NAV1: variants seen among roughly 807,000 people sequenced by gnomAD.
The protein encoded by NAV1 is neuron navigator 1.
Under a neutral mutation model 175.2 loss-of-function variants are expected in NAV1, and 18 were observed. The ratio of observed to expected loss-of-function variants is 0.10; its 90% CI spans 0.07 to 0.15. The LOEUF is 0.15. NAV1 is among the 10% of genes least tolerant of loss of function. The pLI is 1.00. For missense variants in NAV1, 1,731 were observed against 2,436.6 expected (o/e 0.71, Z 6.10); for synonymous variants, 897 against 978.7 (o/e 0.92, Z 1.56).
At chr1:201,579,141 A>T (rs892719653) in intron 1 of NAV1, among the ~76,000 whole-genome samples, 4 of 152,220 alleles carry the variant, frequency 2.6e-5, no homozygotes, top group South Asian at 4.2e-4. Context: ...CTCAAAAAAA[A>T]AAAAATGTTC....
rs56994916 is a variant in NAV1, at chr1:201,799,176, C to CTGTGTGTGTG, written c.3518-4406_3518-4397dup. Among the ~76,000 whole-genome samples, 359 of 150,690 alleles carry CTGTGTGTGTG rather than the reference C, an allele frequency of 2.4e-3. 1 individual carries two copies. Among genetic ancestry groups the CTGTGTGTGTG allele is most frequent in the Middle Eastern group, 0.01 (3 of 290 alleles). ...ACTTATTTTCAAATTGTTCAAGAAA[C>CTGTGTGTGTG]TGTGTGTGTGTGTGTGTGTGGAGAG... is the stretch of plus-strand genomic sequence containing the variant. On this transcript the variant is annotated intron_variant, in intron 15 of 29. Transcript: ENST00000367296.
chr1:201,819,365 T>C (rs182548790), intron 29 of NAV1, among the ~76,000 whole-genome samples: 3 of 152,298 alleles, frequency 2.0e-5, no homozygotes, highest in East Asian at 3.9e-4. Flanking sequence ...ACAGTTATCA[T>C]TGAAGAAATC....
At chr1:201,761,104 G>A (rs1323094937) in intron 3 of NAV1, among the ~76,000 whole-genome samples, 1 of 152,124 alleles carries the variant, frequency 6.6e-6, no homozygotes, top group Non-Finnish European at 1.5e-5. Flanking sequence ...AGATTTTGTT[G>A]ACTGAATAAG....
intron 2 of NAV1, among the ~76,000 whole-genome samples, chr1:201,608,692 G>A (rs139257201): frequency 1.3e-5 from 2 of 149,326 alleles, no homozygotes; most frequent in South Asian, 2.2e-4. Flanking sequence ...GAGCCTCACA[G>A]CTCATGGGAC....
intron 1 of NAV1, among the ~76,000 whole-genome samples, chr1:201,572,373 T>C (rs1166442064): frequency 6.7e-6 from 1 of 148,540 alleles, no homozygotes; most frequent in African/African-American, 2.5e-5. Flanking sequence ...TTTCTTTCTT[T>C]TTTTTTTTTT....
chr1:201,803,801 T>TCG, intron 16 of NAV1, 87 bp downstream of exon 20: 2 of 1,519,510 alleles, frequency 1.3e-6, no homozygotes, highest in Non-Finnish European at 1.8e-6. Context: ...CTTCCAGGAT[T>TCG]AACCAAGGTG....
intron 2 of NAV1, among the ~76,000 whole-genome samples, chr1:201,595,508 C>T (rs7539891): frequency 0.028 from 4,292 of 152,322 alleles, 193 homozygotes; most frequent in African/African-American, 0.097. Flanking sequence ...TGCCAAGGGG[C>T]GCCGAGTCTG....
chr1:201,588,876 C>A (rs1273857260), intron 2 of NAV1, among the ~76,000 whole-genome samples: 1 of 151,530 alleles, frequency 6.6e-6, no homozygotes, highest in African/African-American at 2.4e-5. Context: ...GAAATGGAGT[C>A]TCGCTCTATC....
chr1:201,607,673 G>C (rs566832511), intron 2 of NAV1, among the ~76,000 whole-genome samples: 15 of 142,316 alleles, frequency 1.1e-4, no homozygotes, highest in Admixed American at 9.2e-4. Context: ...TGTATTTTTA[G>C]TAGAGACAGG....
At position 201,788,191 on chromosome 1, in the gene NAV1, C is replaced by T. The variant is rs549406449; in HGVS notation, c.2996-277C>T. ...CCCCCAGCCTAACCTTCAAAAGCAA[C>T]AACTCTGAGGCAGGCAGGGTTGAGG... On this transcript the variant is annotated intron_variant, in intron 9 of 29. Coordinates refer to ENST00000367296, the Ensembl canonical transcript of NAV1. The surrounding 1 kb of genome is among the most constrained non-coding windows in gnomAD (Gnocchi z 5.7). Among the ~76,000 whole-genome samples the T allele has an allele frequency of 6.6e-6, 1 of 152,282 alleles. No homozygotes were observed. Among genetic ancestry groups the T allele is most frequent in the East Asian group, 1.9e-4 (1 of 5,182 alleles).
chr1:201,765,748 G>A (rs1343364112), intron 3 of NAV1, among the ~76,000 whole-genome samples: 1 of 152,154 alleles, frequency 6.6e-6, no homozygotes, highest in African/African-American at 2.4e-5. Context: ...TCCCAGTTGG[G>A]TTTGAGTAAG....
chr1:201,734,367 C>T (rs988897914), intron 3 of NAV1, among the ~76,000 whole-genome samples: 2 of 151,058 alleles, frequency 1.3e-5, no homozygotes, highest in African/African-American at 2.4e-5. Context: ...CGTGTCCATG[C>T]CACTGCACTC....
chr1:201,695,448 C>G (rs1671150333), intron 1 of NAV1, among the ~76,000 whole-genome samples: 1 of 152,192 alleles, frequency 6.6e-6, no homozygotes, highest in African/African-American at 2.4e-5. Flanking sequence ...AGAACTCCAA[C>G]ACATTTGACC....
rs1672374443 is a variant in NAV1, at chr1:201,721,270, T to C, written c.1226+2515T>C. 3.9e-5 allele frequency among the ~76,000 whole-genome samples: 6 copies of C among 152,254 alleles called. No homozygotes were observed. In the South Asian group the frequency reaches 1.2e-3, roughly 32 times the overall value. On this transcript the variant is annotated intron_variant, in intron 3 of 29. Coordinates refer to ENST00000367296, the Ensembl canonical transcript of NAV1. ...ATCATTTCACATGCATTTTTTATGG[T>C]CAACCTTCAGTTAGCAGTAACCCTT...
At chr1:201,732,891 C>T (rs1027427153) in intron 3 of NAV1, among the ~76,000 whole-genome samples, 4 of 150,956 alleles carry the variant, frequency 2.6e-5, no homozygotes, top group African/African-American at 7.3e-5. Context: ...GCCAACATGG[C>T]GGAACCCTGT....
upstream of NAV1, chr1:201,622,758 C>A: frequency 1.1e-6 from 1 of 928,318 alleles, no homozygotes. Flanking sequence ...GGTGCTCGAG[C>A]CTCCCCACAG....
At chr1:201,789,790 T>C (rs1459607476) in exon 11 of NAV1, 1 of 1,613,758 alleles carries the variant, frequency 6.2e-7, no homozygotes, top group South Asian at 1.1e-5. Context: ...CACCTACTCC[T>C]CAGTAAGAGC....
upstream of NAV1, among the ~76,000 whole-genome samples, chr1:201,643,523 G>C (rs551701749): frequency 1.3e-5 from 2 of 151,360 alleles, no homozygotes; most frequent in Non-Finnish European, 2.9e-5. Flanking sequence ...CCAGGCTTAA[G>C]TGATTCTCCT....
intron 13 of NAV1, 81 bp from the exon 18 acceptor site, chr1:201,793,711 T>C (rs1187481660): frequency 9.6e-6 from 12 of 1,253,852 alleles, no homozygotes; most frequent in Non-Finnish European, 1.2e-5. Flanking sequence ...AGGAAATCAG[T>C]TAAAACTATT....
Sources: allele counts gnomAD v4.1 joint callset (sites outside exome capture counted in the v4.1 genomes callset), GRCh38; gene constraint gnomAD v4.1.1; non-coding constraint Gnocchi (gnomAD v3.1); transcripts MANE v1.5; gene names NCBI Gene and HGNC (gene_info 2026-07-23, HGNC 2026-07-21).